UCN3: variants seen among roughly 807,000 people sequenced by gnomAD.
UCN3 encodes the protein urocortin-3.
UCN3 carries 3 observed loss-of-function variants against 3.6 expected under a neutral mutation model. The observed-to-expected ratio is 0.83, with a 90% CI of 0.38 to 2.15. The LOEUF (loss-of-function observed/expected upper bound fraction) is 2.15, where lower values mean the gene tolerates loss of function less well. UCN3 is among the 30% of genes most tolerant of loss of function. UCN3 has a pLI of 0.06. For synonymous variants in UCN3, 100 were observed against 93.2 expected, an observed-to-expected ratio of 1.07 and a Z score of -0.42; for missense variants, 206 against 208.3, an observed-to-expected ratio of 0.99 and a Z score of 0.07.
chr10:5,373,846 G>A lies in UCN3; in HGVS notation c.126G>A (p.Glu42=). Residue 42 remains glutamate (E), a synonymous_variant, in exon 2 of 2, where the codon GAG becomes GAA. Coordinates refer to ENST00000380433, the MANE Select transcript of UCN3 (RefSeq NM_053049.4). ...IFSCLNTALS[E]AEKGQWEDAS... is the part of the protein sequence containing the mutation. ...GCTGCCTCAACACCGCCCTGTCTGA[G>A]GCTGAGAAGGGCCAGTGGGAGGATG... is the stretch of plus-strand genomic sequence containing the variant. 1 of 1,614,104 alleles carries A rather than the reference G, an allele frequency of 6.2e-7. No individual in the cohort carries two copies. Among genetic ancestry groups the A allele is most frequent in the Non-Finnish European group, 8.5e-7 (1 of 1,179,994 alleles).
chr10:5,371,671 AC>A (rs1200294747), intron 1 of UCN3, among the ~76,000 whole-genome samples: 1 of 151,954 alleles, frequency 6.6e-6, no homozygotes, highest in Non-Finnish European at 1.5e-5. Context: ...GAGCTTGAGC[AC>A]CGACTGCCAG....
intron 1 of UCN3, among the ~76,000 whole-genome samples, chr10:5,370,850 C>CGTGTGTGT (rs1554811415): frequency 8.2e-4 from 52 of 63,590 alleles, no homozygotes; most frequent in South Asian, 1.8e-3. Flanking sequence ...CGTGTGTGTG[C>CGTGTGTGT]GCGTGTGTGT....
At chr10:5,369,160 G>A (rs1554810965) in intron 1 of UCN3, among the ~76,000 whole-genome samples, 1 of 152,196 alleles carries the variant, frequency 6.6e-6, no homozygotes, top group African/African-American at 2.4e-5. Context: ...GGGTAGCATG[G>A]AGCCAAAAGC....
chr10:5,370,109 ATATG>A (rs1394970407), intron 1 of UCN3, among the ~76,000 whole-genome samples: 2 of 58,198 alleles, frequency 3.4e-5, no homozygotes. Flanking sequence ...ATGCGTGTGT[ATATG>A]TGTGTGTATG....
intron 1 of UCN3, among the ~76,000 whole-genome samples, chr10:5,373,353 T>C (rs1047214282): frequency 6.6e-6 from 1 of 152,328 alleles, no homozygotes; most frequent in Non-Finnish European, 1.5e-5. Flanking sequence ...TTACTTAGTA[T>C]ATTAGTTATT....
chr10:5,370,056 T>TGC (rs201006194), intron 1 of UCN3, among the ~76,000 whole-genome samples: 1 of 80,800 alleles, frequency 1.2e-5, no homozygotes. Context: ...CGTGTGTATG[T>TGC]GTGTGTATAT....
rs1317646471 is a variant in UCN3, at chr10:5,365,844, C to T, written c.-7+614C>T. On this transcript the variant is annotated intron_variant, in intron 1 of 1. Transcript: ENST00000380433. The surrounding 1 kb of genome is among the most constrained non-coding windows in gnomAD (Gnocchi z 4.4). Reference sequence around the variant, plus strand: ...CAGCCAGGTCCTCTGCCACCAAAGCCCAGAGCCCTTTGCCACACTAGGAAC... The same window carrying T: ...CAGCCAGGTCCTCTGCCACCAAAGCTCAGAGCCCTTTGCCACACTAGGAAC... 6.6e-6 allele frequency among the ~76,000 whole-genome samples: 1 copy of T among 152,122 alleles called. No homozygotes were observed. Among genetic ancestry groups the T allele is most frequent in the Non-Finnish European group, 1.5e-5 (1 of 68,026 alleles).
At chr10:5,370,295 A>G (rs1327516451) in intron 1 of UCN3, among the ~76,000 whole-genome samples, 37 of 38,666 alleles carry the variant, frequency 9.6e-4, no homozygotes, top group Non-Finnish European at 1.4e-3. Context: ...GCGTGTGTGT[A>G]TGCGTGTGTA....
rs1474448805 is a variant in UCN3 at position 5,367,420 on chromosome 10, C to T, written c.-7+2190C>T. Among the ~76,000 whole-genome samples, 7 of 152,152 alleles carry T rather than the reference C, an allele frequency of 4.6e-5. 1 individual carries two copies. The highest frequency in any genetic ancestry group is 4.6e-4 in the Admixed American group (7 of 15,270). ...AAAGAATTTAAAAGAGGTTGTTTTGCTTTGGAAAATAAATTGATTTAATTA... is the reference window on the plus strand; with the variant it reads ...AAAGAATTTAAAAGAGGTTGTTTTGTTTTGGAAAATAAATTGATTTAATTA... On this transcript the variant is annotated intron_variant, in intron 1 of 1. Transcript: ENST00000380433. The surrounding 1 kb of genome is among the most constrained non-coding windows in gnomAD (Gnocchi z 4.3).
In UCN3 at chr10:5,374,071, C is replaced by T. The variant is rs782367799; in HGVS notation, c.351C>T (p.Arg117=). The T allele has an allele frequency of 2.5e-6, 4 of 1,613,704 alleles. No individual in the cohort carries two copies. The Admixed American group carries it at 5.0e-5, about 20-fold the overall frequency. The change falls in exon 2 of 2, where the codon CGC becomes CGT. Residue 117 remains arginine (R), a synonymous_variant. Coordinates refer to ENST00000380433, the MANE Select transcript of UCN3 (RefSeq NM_053049.4). ...PRQDTAKSPH[R]TKFTLSLDVP... is the part of the protein sequence containing the mutation. ...AGGACACGGCCAAGAGTCCCCACCGCACCAAGTTCACCCTGTCCCTCGACG... is the reference window on the plus strand; with the variant it reads ...AGGACACGGCCAAGAGTCCCCACCGTACCAAGTTCACCCTGTCCCTCGACG...
intron 1 of UCN3, among the ~76,000 whole-genome samples, chr10:5,372,179 G>A (rs1564444337): frequency 6.6e-6 from 1 of 152,362 alleles, no homozygotes; most frequent in East Asian, 1.9e-4. Context: ...GGGCTGGGGA[G>A]AGTGTGTGCC....
Position 5,374,432 on chromosome 10 carries a change from A to G in UCN3, c.*226A>G, listed in dbSNP as rs996972513. 3 of 525,870 alleles carry G rather than the reference A, an allele frequency of 5.7e-6. No homozygotes were observed. Among genetic ancestry groups the G allele is most frequent in the Admixed American group, 3.2e-5 (1 of 31,188 alleles). The allele number at this position is 525,870 out of a possible 1,614,324, so 32.6% of individuals were successfully genotyped here. ...ACACACAGAAGTGCAGTATTGTCCA[A>G]CCTTCCCAGACACAAAGCAGCTAAC... On this transcript the variant is annotated 3_prime_UTR_variant, in exon 2 of 2. Transcript: ENST00000380433.
At position 5,370,325 on chromosome 10, in the gene UCN3, A is replaced by ATGCGTGTGTG. The variant is rs1564442747; in HGVS notation, c.-6-3389_-6-3388insGCGTGTGTGT. On this transcript the variant is annotated intron_variant, in intron 1 of 1. Coordinates refer to ENST00000380433, the MANE Select transcript of UCN3 (RefSeq NM_053049.4). ...TGTGTATATGCGTGTATGTGTGTGT[A>ATGCGTGTGTG]TATGCGTGTGTATATGCGTGTGTAT... 2.6e-4 allele frequency among the ~76,000 whole-genome samples: 9 copies of ATGCGTGTGTG among 35,158 alleles called. 1 individual carries two copies. Among genetic ancestry groups the ATGCGTGTGTG allele is most frequent in the Non-Finnish European group, 4.1e-4 (8 of 19,494 alleles). The allele number at this position is 35,158 out of a possible 152,430, so 23.1% of individuals were successfully genotyped here.
At position 5,374,039 on chromosome 10, in the gene UCN3, C is replaced by A; in HGVS notation, c.319C>A (p.Pro107Thr). 6.2e-7 allele frequency: 1 copy of A among 1,612,708 alleles called. No homozygotes were observed. The highest frequency in any genetic ancestry group is 8.5e-7 in the Non-Finnish European group (1 of 1,179,404). Residue 107 changes from proline to threonine, a missense_variant, in exon 2 of 2, where the codon CCA (proline) becomes ACA (threonine). Physicochemically the swap from Pro to Thr is conservative, Grantham distance 38. Transcript: ENST00000380433. ...YVSQAQPRGK[P>T]RQDTAKSPHR... The stretch of plus-strand genomic sequence containing the variant: ...GTCCCAAGCACAGCCCAGGGGAAAG[C>A]CACGCCAGGACACGGCCAAGAGTCC...
chr10:5,370,163 A>ATATGCGTGTGTATATGCGTGTG (rs1831342871), intron 1 of UCN3, among the ~76,000 whole-genome samples: 4 of 27,798 alleles, frequency 1.4e-4, no homozygotes, highest in Non-Finnish European at 2.5e-4. Context: ...ATGTGTGTGT[A>ATATGCGTGTGTATATGCGTGTG]TATGTGTGTG....
At chr10:5,370,702 T>C (rs1470742483) in intron 1 of UCN3, among the ~76,000 whole-genome samples, 1 of 121,428 alleles carries the variant, frequency 8.2e-6, no homozygotes, top group Admixed American at 8.9e-5. Flanking sequence ...TGTATATGTG[T>C]GTGTATATGA....
At chr10:5,373,582 G>A (rs782273668) in intron 1 of UCN3, 133 bp from the exon 2 acceptor site, 112 of 1,389,746 alleles carry the variant, frequency 8.1e-5, no homozygotes, top group Non-Finnish European at 1.1e-4. Flanking sequence ...GGCTGATGCT[G>A]CTGGTCTGGG....
chr10:5,368,390 G>A (rs1162963103), intron 1 of UCN3, among the ~76,000 whole-genome samples: 1 of 152,176 alleles, frequency 6.6e-6, no homozygotes, highest in Non-Finnish European at 1.5e-5. Context: ...TTCTCCCAGT[G>A]CTTTTCGTAG....
chr10:5,370,163 A>ATATGCGTGTGTATGTGTGTGTG (rs1831342871), intron 1 of UCN3, among the ~76,000 whole-genome samples: 1 of 27,788 alleles, frequency 3.6e-5, no homozygotes, highest in Non-Finnish European at 6.1e-5. Context: ...ATGTGTGTGT[A>ATATGCGTGTGTATGTGTGTGTG]TATGTGTGTG....
Sources: allele counts gnomAD v4.1 joint callset (sites outside exome capture counted in the v4.1 genomes callset), GRCh38; gene constraint gnomAD v4.1.1; non-coding constraint Gnocchi (gnomAD v3.1); transcripts MANE v1.5; gene names NCBI Gene and HGNC (gene_info 2026-07-23, HGNC 2026-07-21).